Variants in ZNF148 observed in about 807,000 individuals in gnomAD.
The protein encoded by ZNF148 is Beta-Enolase Repressor Factor-1.
A neutral mutation model predicts 67.7 loss-of-function variants in ZNF148; 7 were observed. That is an observed-to-expected ratio of 0.10 (90% CI 0.06 to 0.19). The LOEUF (loss-of-function observed/expected upper bound fraction) is 0.19, where lower values mean the gene tolerates loss of function less well. Among genes scored for constraint, ZNF148 ranks in the 10% least tolerant of loss-of-function variants. The pLI is 1.00. For missense variants in ZNF148, 583 were observed against 947.1 expected (o/e 0.62, Z 5.05); for synonymous variants, 333 against 330.7 (o/e 1.01, Z -0.08).
intron 1 of ZNF148, among the ~76,000 whole-genome samples, chr3:125,337,174 T>G (rs542663784): frequency 1.1e-4 from 16 of 152,272 alleles, no homozygotes; most frequent in Non-Finnish European, 2.2e-4. Context: ...GTGAAAATTT[T>G]CACCTACCCT....
At chr3:125,343,649 A>G (rs1261109753) in intron 1 of ZNF148, among the ~76,000 whole-genome samples, 2 of 152,152 alleles carry the variant, frequency 1.3e-5, no homozygotes, top group East Asian at 3.8e-4. Context: ...CAGAAACAGA[A>G]CATGGGCAGG....
intron 1 of ZNF148, among the ~76,000 whole-genome samples, chr3:125,372,827 G>A (rs1942933964): frequency 6.6e-6 from 1 of 152,068 alleles, no homozygotes; most frequent in African/African-American, 2.4e-5. Context: ...TTAGCCAGGG[G>A]TGGCGGCAGG....
intron 4 of ZNF148, among the ~76,000 whole-genome samples, chr3:125,312,534 G>A (rs1256688392): frequency 6.6e-6 from 1 of 152,182 alleles, no homozygotes; most frequent in African/African-American, 2.4e-5. Flanking sequence ...TCAACCTAGA[G>A]TCAAGAGAAG....
intron 1 of ZNF148, among the ~76,000 whole-genome samples, chr3:125,340,387 G>A (rs2107732583): frequency 6.6e-6 from 1 of 152,262 alleles, no homozygotes; most frequent in East Asian, 1.9e-4. Context: ...AGGCAAGTAG[G>A]CAAAATTCAG....
At chr3:125,372,891 G>C (rs1409195322) in intron 1 of ZNF148, among the ~76,000 whole-genome samples, 1 of 152,012 alleles carries the variant, frequency 6.6e-6, no homozygotes, top group Non-Finnish European at 1.5e-5. Flanking sequence ...GCTTGAACCC[G>C]GGAGGTGGAG....
At chr3:125,352,420 G>A (rs544746746) in intron 1 of ZNF148, among the ~76,000 whole-genome samples, 31 of 152,172 alleles carry the variant, frequency 2.0e-4, no homozygotes, top group Non-Finnish European at 4.3e-4. Context: ...CTAATGGGTA[G>A]TTTCTTTTTA....
At chr3:125,262,294 A>G (rs189750018) in intron 7 of ZNF148, among the ~76,000 whole-genome samples, 11 of 152,348 alleles carry the variant, frequency 7.2e-5, no homozygotes, top group Admixed American at 6.5e-4. Context: ...ACTACTTCCA[A>G]TTAAAGAGTA....
chr3:125,311,939 C>G (rs1028370180), intron 4 of ZNF148, among the ~76,000 whole-genome samples: 15 of 152,098 alleles, frequency 9.9e-5, no homozygotes, highest in Non-Finnish European at 1.5e-5. Flanking sequence ...TAGGAGAAAT[C>G]AAATCAACAA....
intron 1 of ZNF148, among the ~76,000 whole-genome samples, chr3:125,348,081 G>A (rs9824581): frequency 0.76 from 114,566 of 151,506 alleles, 43,839 homozygotes; most frequent in African/African-American, 0.85. Context: ...ATGGCAAAAC[G>A]TCATTTCTAC....
chr3:125,290,480 C>T (rs2107629681), intron 4 of ZNF148, among the ~76,000 whole-genome samples: 1 of 152,164 alleles, frequency 6.6e-6, no homozygotes, highest in Non-Finnish European at 1.5e-5. Context: ...TTTCTCACCC[C>T]AAAATAAAGT....
At chr3:125,325,465 T>C (rs1326116271) in intron 2 of ZNF148, among the ~76,000 whole-genome samples, 1 of 151,906 alleles carries the variant, frequency 6.6e-6, no homozygotes, top group Non-Finnish European at 1.5e-5. Context: ...CTTGCCAAAC[T>C]TACTTTTACT....
At chr3:125,240,469 TA>T (rs1936298943) in intron 7 of ZNF148, among the ~76,000 whole-genome samples, 1 of 152,114 alleles carries the variant, frequency 6.6e-6, no homozygotes, top group Non-Finnish European at 1.5e-5. Context: ...GCATTTCCTT[TA>T]ACAAAAAAGT....
At chr3:125,330,895 A>C (rs1398791475) in intron 2 of ZNF148, among the ~76,000 whole-genome samples, 3 of 152,192 alleles carry the variant, frequency 2.0e-5, no homozygotes, top group Non-Finnish European at 4.4e-5. Flanking sequence ...GAGGCCTAAA[A>C]GATATGCAAG....
At chr3:125,348,972 A>G (rs1942045039) in intron 1 of ZNF148, among the ~76,000 whole-genome samples, 1 of 152,236 alleles carries the variant, frequency 6.6e-6, no homozygotes, top group African/African-American at 2.4e-5. Flanking sequence ...GGTGCCAAGA[A>G]TCCACAACAG....
At chr3:125,252,857 A>G (rs1175337877) in intron 7 of ZNF148, among the ~76,000 whole-genome samples, 1 of 152,024 alleles carries the variant, frequency 6.6e-6, no homozygotes, top group South Asian at 2.1e-4. Flanking sequence ...AAGTGAATGT[A>G]ATATATGTAG....
chr3:125,316,017 T>C (rs1940475303), intron 3 of ZNF148, among the ~76,000 whole-genome samples: 1 of 152,222 alleles, frequency 6.6e-6, no homozygotes, highest in South Asian at 2.1e-4. Flanking sequence ...TCTCAGCCTC[T>C]AGTAACTATC....
chr3:125,343,062 C>A (rs964816618), intron 1 of ZNF148, among the ~76,000 whole-genome samples: 8 of 152,186 alleles, frequency 5.3e-5, no homozygotes, highest in Non-Finnish European at 1.2e-4. Context: ...CAGAAAAATT[C>A]TTAATTTATA....
At chr3:125,360,788 G>A (rs1378435660) in intron 1 of ZNF148, among the ~76,000 whole-genome samples, 31 of 149,912 alleles carry the variant, frequency 2.1e-4, no homozygotes, top group Non-Finnish European at 4.6e-4. Flanking sequence ...AGACCAGCCT[G>A]GGCAACATAG....
Position 125,232,489 on chromosome 3 carries a change from G to A in ZNF148, c.2237C>T (p.Thr746Ile). 6.2e-7 allele frequency: 1 copy of A among 1,613,720 alleles called. No homozygotes were observed. Among genetic ancestry groups the A allele is most frequent in the Non-Finnish European group, 8.5e-7 (1 of 1,179,750 alleles). Reference sequence around the variant, plus strand: ...CTGTCCATTGGCAGTGCTAAATTGAGTAGCTATTCCAGCTCTTGATCCATG... The same window carrying A: ...CTGTCCATTGGCAGTGCTAAATTGAATAGCTATTCCAGCTCTTGATCCATG... ...PYHGSRAGIA[T>I]QFSTANGQVN... Residue 746 changes from threonine (T) to isoleucine (I), a missense_variant, in exon 9 of 9, where the codon ACT (threonine) becomes ATT (isoleucine). Physicochemically the swap from Thr to Ile is moderately conservative, Grantham distance 89. Transcript: ENST00000360647. This position sits in a 1 kb window ranked among gnomAD's most constrained non-coding sequence, Gnocchi z 4.2.
Sources: gnomAD v4.1 joint callset for allele counts (sites outside exome capture counted in the v4.1 genomes callset) on GRCh38, gnomAD v4.1.1 for gene constraint, Gnocchi (gnomAD v3.1) non-coding constraint, MANE v1.5 for transcripts, NCBI Gene and HGNC (gene_info 2026-07-23, HGNC 2026-07-21) for gene names.